Variants in DNAAF5 observed in about 807,000 individuals in gnomAD.
DNAAF5 encodes the protein dynein axonemal assembly factor 5.
In DNAAF5, 64 loss-of-function variants were observed where a neutral mutation model predicts 75.8. The observed-to-expected ratio is 0.84, with a 90% CI of 0.69 to 1.04. The LOEUF (loss-of-function observed/expected upper bound fraction) is 1.04. Ranked by LOEUF, DNAAF5 falls within the 50% of genes least tolerant of loss-of-function variation. The pLI is 0.00. For missense variants in DNAAF5, 1,269 were observed against 1,178.5 expected (o/e 1.08, Z -1.12); for synonymous variants, 657 against 557.2 (o/e 1.18, Z -2.52).
At chr7:743,732 A>T (rs1347491397) in intron 4 of DNAAF5, among the ~76,000 whole-genome samples, 1 of 150,242 alleles carries the variant, frequency 6.7e-6, no homozygotes, top group African/African-American at 2.5e-5. Flanking sequence ...GCAACCTCCA[A>T]CTTCCAGGTT....
intron 1 of DNAAF5, among the ~76,000 whole-genome samples, chr7:728,409 G>A (rs184207947): frequency 2.6e-5 from 4 of 152,338 alleles, no homozygotes; most frequent in South Asian, 2.1e-4. Flanking sequence ...TGATAGACCC[G>A]AGTTCAGGTT....
At chr7:728,589 A>C (rs1781447952) in intron 1 of DNAAF5, among the ~76,000 whole-genome samples, 1 of 152,100 alleles carries the variant, frequency 6.6e-6, no homozygotes, top group South Asian at 2.1e-4. Flanking sequence ...GGCCATTGAG[A>C]ATTCCTGGCA....
intron 4 of DNAAF5, among the ~76,000 whole-genome samples, chr7:751,131 A>G (rs1266561778): frequency 2.0e-5 from 3 of 152,158 alleles, no homozygotes; most frequent in African/African-American, 7.2e-5. Context: ...AGCCTGGATG[A>G]CAGAGCGAGA....
At chr7:767,592 C>T (rs977024143) in intron 8 of DNAAF5, among the ~76,000 whole-genome samples, 3 of 151,952 alleles carry the variant, frequency 2.0e-5, no homozygotes, top group Non-Finnish European at 4.4e-5. Flanking sequence ...TTATCCTAAG[C>T]CTTTATAGCA....
At chr7:774,901 T>C (rs1778706419) in intron 10 of DNAAF5, 105 bp from the exon 11 acceptor site, 12 of 957,346 alleles carry the variant, frequency 1.3e-5, no homozygotes, top group Non-Finnish European at 1.9e-5. Context: ...AGGTAAAGCT[T>C]TCAAGCCCCC....
At chr7:783,170 G>A (rs983011665) in intron 12 of DNAAF5, among the ~76,000 whole-genome samples, 9 of 152,230 alleles carry the variant, frequency 5.9e-5, no homozygotes, top group African/African-American at 2.2e-4. Context: ...CAGATCCCGC[G>A]TCCGCACAGC....
intron 7 of DNAAF5, among the ~76,000 whole-genome samples, chr7:762,537 G>C (rs566789040): frequency 2.6e-4 from 39 of 151,828 alleles, no homozygotes; most frequent in African/African-American, 8.9e-4. Context: ...GTCGAGAGAA[G>C]ATACCGTGAT....
intron 7 of DNAAF5, 134 bp from the exon 8 acceptor site, chr7:763,672 C>T: frequency 9.8e-7 from 1 of 1,017,304 alleles, no homozygotes; most frequent in Non-Finnish European, 1.4e-6. Flanking sequence ...CCTGTGGCAG[C>T]CTCCCTCCCG....
chr7:751,798 T>C (rs141315076), intron 4 of DNAAF5, among the ~76,000 whole-genome samples: 1 of 152,104 alleles, frequency 6.6e-6, no homozygotes, highest in African/African-American at 2.4e-5. Context: ...GGTCTTGAAC[T>C]CCTGACCTCA....
intron 6 of DNAAF5, among the ~76,000 whole-genome samples, chr7:757,723 G>A (rs1782530449): frequency 6.6e-6 from 1 of 152,254 alleles, no homozygotes; most frequent in African/African-American, 2.4e-5. Context: ...AGTGGTCCCT[G>A]TCAGTGTGTG....
intron 8 of DNAAF5, among the ~76,000 whole-genome samples, chr7:768,289 G>T (rs112417345): frequency 5.4e-5 from 8 of 149,400 alleles, no homozygotes; most frequent in Non-Finnish European, 1.0e-4. Context: ...GAGACACGTG[G>T]TCTGGGCGGA....
In DNAAF5 at chr7:761,697, G is replaced by T. The variant is rs565477518; in HGVS notation, c.1471-56G>T. ...GAGCTACAGTTCAAGATGGGATTCG[G>T]GTGGGGACACGACCAAATTGTACCA... On this transcript the variant is annotated intron_variant, in intron 6 of 12. Transcript: ENST00000297440. 3.9e-6 allele frequency: 6 copies of T among 1,535,344 alleles called. No individual in the cohort carries two copies. In the East Asian group the frequency reaches 1.5e-4, roughly 37 times the overall value.
At chr7:746,847 T>C (rs1370146017) in intron 4 of DNAAF5, among the ~76,000 whole-genome samples, 1 of 152,266 alleles carries the variant, frequency 6.6e-6, no homozygotes, top group African/African-American at 2.4e-5. Context: ...CTGGCACTGC[T>C]GCTGTGGGCT....
rs181497093 is a variant in DNAAF5, at chr7:754,485, G to A, written c.1025-104G>A. The A allele has an allele frequency of 1.1e-6, 1 of 929,858 alleles. No homozygotes were observed. The highest frequency in any genetic ancestry group is 1.9e-5 in the Admixed American group (1 of 51,396). The allele number at this position is 929,858 out of a possible 1,614,324, so 57.6% of individuals were successfully genotyped here. The stretch of plus-strand genomic sequence containing the variant: ...ACCCCAAGACTTGTTTTGAAATGGT[G>A]AGGTTGAAACTCACAGGTGTCCCTT... On this transcript the variant is annotated intron_variant, in intron 4 of 12. Transcript: ENST00000297440. The surrounding 1 kb of genome is among the most constrained non-coding windows in gnomAD (Gnocchi z 4.8).
chr7:760,509 G>C (rs748870079), intron 6 of DNAAF5, among the ~76,000 whole-genome samples: 1 of 152,180 alleles, frequency 6.6e-6, no homozygotes, highest in Non-Finnish European at 1.5e-5. Context: ...TACAGGCCAG[G>C]CGTGGTGGTT....
Position 785,680 on chromosome 7 carries a change from C to G in DNAAF5, c.*27C>G, listed in dbSNP as rs750389897. The G allele has an allele frequency of 6.2e-7, 1 of 1,606,908 alleles. No homozygotes were observed. Among genetic ancestry groups the G allele is most frequent in the Non-Finnish European group, 8.5e-7 (1 of 1,176,428 alleles). ...CACGCTGGTTTCAGCCACGGCACAC[C>G]CTTGTCCCCACCTGAGCCAGAGTTT... On this transcript the variant is annotated 3_prime_UTR_variant, in exon 13 of 13. Transcript: ENST00000297440.
chr7:726,905 C>G lies in DNAAF5; in HGVS notation c.185C>G (p.Pro62Arg). 7.4e-7 allele frequency: 1 copy of G among 1,345,940 alleles called. No homozygotes were observed. The highest frequency in any genetic ancestry group is 9.5e-7 in the Non-Finnish European group (1 of 1,047,810). The allele number at this position is 1,345,940 out of a possible 1,614,324, so 83.4% of individuals were successfully genotyped here. A position where few individuals can be genotyped will look rare whatever the true frequency, so the allele number is the denominator to read the frequency against. The change falls in exon 1 of 13, where the codon CCT (proline) becomes CGT (arginine). Residue 62 changes from proline (P) to arginine (R), a missense_variant. By Grantham distance (103) the Pro-to-Arg change is moderately radical (BLOSUM62 -2). Transcript: ENST00000297440. The part of the protein sequence containing the change: ...ALRRALEEPG[P>R]AADPTAFQGP... The stretch of plus-strand genomic sequence containing the variant: ...CGGCGCGCGCTGGAGGAGCCAGGCC[C>G]TGCCGCCGACCCCACCGCTTTCCAG...
chr7:756,284 CT>C (rs1393405954), intron 5 of DNAAF5, among the ~76,000 whole-genome samples: 4 of 141,812 alleles, frequency 2.8e-5, no homozygotes, highest in Non-Finnish European at 6.1e-5. Context: ...GTGTGATCCG[CT>C]GTGGAATCCC....
In DNAAF5 at chr7:770,571, C is replaced by T; in HGVS notation, c.1884C>T (p.Ile628=). 2.5e-6 allele frequency: 4 copies of T among 1,613,956 alleles called. No homozygotes were observed. Among genetic ancestry groups the T allele is most frequent in the Non-Finnish European group, 3.4e-6 (4 of 1,180,004 alleles). Residue 628 remains isoleucine, a synonymous_variant, in exon 9 of 13, where the codon ATC becomes ATT. Transcript: ENST00000297440. ...DPQMRLKLFS[I]LSTVLLRATD... Reference sequence around the variant, plus strand: ...AGATGCGCCTGAAGCTGTTCTCCATCCTGTCCACCGTGCTGCTCAGAGCCA... The same window carrying T: ...AGATGCGCCTGAAGCTGTTCTCCATTCTGTCCACCGTGCTGCTCAGAGCCA...
Sources: allele counts gnomAD v4.1 joint callset (sites outside exome capture counted in the v4.1 genomes callset), GRCh38; gene constraint gnomAD v4.1.1; non-coding constraint Gnocchi (gnomAD v3.1); transcripts MANE v1.5; gene names NCBI Gene and HGNC (gene_info 2026-07-23, HGNC 2026-07-21).